Variants in SEPTIN2 observed in about 807,000 individuals in gnomAD.
SEPTIN2 encodes septin 2, also known as septin-2.
SEPTIN2 carries 34 observed loss-of-function variants against 46.5 expected under a neutral mutation model. That is an observed-to-expected ratio of 0.73 (90% confidence interval 0.56 to 0.97). The LOEUF (loss-of-function observed/expected upper bound fraction) is 0.97. Ranked by LOEUF, SEPTIN2 falls within the 50% of genes least tolerant of loss-of-function variation. The probability of loss-of-function intolerance (pLI) is 0.00; values close to 1 mark genes in which losing one functional copy is unlikely to be tolerated. For missense variants in SEPTIN2, 347 were observed against 448.4 expected (o/e 0.77, Z 2.04); for synonymous variants, 175 against 153.4 (o/e 1.14, Z -1.04).
chr2:241,323,172 T>A lies in SEPTIN2; in HGVS notation c.-17-1044T>A, dbSNP rs62186437. On this transcript the variant is annotated intron_variant, in intron 1 of 12. Transcript: ENST00000391971. ...TCAGCCACTGCACCCAGCCACCATC[T>A]AATTTTTTTTTTTTTTTTAATGGAG... Among the ~76,000 whole-genome samples the A allele has an allele frequency of 4.4e-4, 66 of 148,496 alleles. No individual in the cohort carries two copies. In the East Asian group the frequency reaches 0.012, roughly 27 times the overall value.
At chr2:241,327,686 AT>A (rs2078231469) in intron 3 of SEPTIN2, among the ~76,000 whole-genome samples, 1 of 151,918 alleles carries the variant, frequency 6.6e-6, no homozygotes, top group Admixed American at 6.6e-5. Flanking sequence ...AGCAGAAGAA[AT>A]AATAGAGAAA....
At chr2:241,337,241 A>G (rs2080178345) in intron 5 of SEPTIN2, 141 bp from the exon 6 acceptor site, 2 of 804,352 alleles carry the variant, frequency 2.5e-6, no homozygotes, top group African/African-American at 1.8e-5. Context: ...TGCCAAATCT[A>G]AAAGTCAGTC....
At chr2:241,350,690 C>T (rs1267929583) in intron 12 of SEPTIN2, among the ~76,000 whole-genome samples, 4 of 152,120 alleles carry the variant, frequency 2.6e-5, no homozygotes, top group African/African-American at 9.7e-5. Flanking sequence ...CTGCTGACCT[C>T]CTGTTCCTCA....
At chr2:241,345,066 T>A (rs1370448039) in intron 9 of SEPTIN2, among the ~76,000 whole-genome samples, 1 of 151,974 alleles carries the variant, frequency 6.6e-6, no homozygotes, top group Non-Finnish European at 1.5e-5. Context: ...TGAGCCGGGA[T>A]TGCGCCACTG....
intron 9 of SEPTIN2, 118 bp from the exon 10 acceptor site, chr2:241,346,048 A>G (rs1223217454): frequency 1.5e-6 from 1 of 672,158 alleles, no homozygotes; most frequent in East Asian, 2.8e-5. Flanking sequence ...CTTTATGTAC[A>G]ATTTACCAAG....
chr2:241,336,156 T>A (rs1559633139), intron 5 of SEPTIN2, 58 bp downstream of exon 5: 4 of 1,539,636 alleles, frequency 2.6e-6, no homozygotes, highest in Non-Finnish European at 3.5e-6. Context: ...TTCATAAATT[T>A]ATAGATAGTG....
At chr2:241,342,034 G>A (rs1256234567) in intron 7 of SEPTIN2, among the ~76,000 whole-genome samples, 1 of 152,144 alleles carries the variant, frequency 6.6e-6, no homozygotes, top group African/African-American at 2.4e-5. Context: ...CCGATTGTGG[G>A]ATTTCACTGC....
chr2:241,353,476 G>A lies in SEPTIN2; in HGVS notation c.*1539G>A, dbSNP rs1463451924. The A allele has an allele frequency of 2.0e-5, 3 of 152,078 alleles. No homozygotes were observed. The highest frequency in any genetic ancestry group is 4.8e-5 in the African/African-American group (2 of 41,414). The allele number at this position is 152,078 out of a possible 1,614,324, so 9.4% of individuals were successfully genotyped here. A position where few individuals can be genotyped will look rare whatever the true frequency, so the allele number is the denominator to read the frequency against. On this transcript the variant is annotated 3_prime_UTR_variant, in exon 13 of 13. Coordinates refer to ENST00000391971, the MANE Select transcript of SEPTIN2 (RefSeq NM_004404.5). ...TGAGACAGGGTTTTTTCATTTTTGT[G>A]GGGGCTAGAAAAAACATAAAATGAG...
chr2:241,324,713 T>C (rs550926837), intron 2 of SEPTIN2: 4 of 191,510 alleles, frequency 2.1e-5, no homozygotes, highest in East Asian at 1.7e-4. Context: ...CTTGGAGCTT[T>C]CTCTTTTTTC....
chr2:241,337,876 C>T, intron 7 of SEPTIN2, 86 bp downstream of exon 7: 1 of 913,508 alleles, frequency 1.1e-6, no homozygotes, highest in Non-Finnish European at 1.7e-6. Flanking sequence ...CACGCTCAGT[C>T]TGCTCAGGTG....
At chr2:241,324,597 G>T in intron 2 of SEPTIN2, 1 of 355,112 alleles carries the variant, frequency 2.8e-6, no homozygotes, top group South Asian at 2.2e-5. Flanking sequence ...GTGTTGGCCA[G>T]GATGGCCTTG....
At chr2:241,348,661 A>G (rs2060498049) in intron 11 of SEPTIN2, among the ~76,000 whole-genome samples, 1 of 152,156 alleles carries the variant, frequency 6.6e-6, no homozygotes. Flanking sequence ...ATTACTATAT[A>G]TACACATCTA....
intron 1 of SEPTIN2, chr2:241,316,729 G>T: frequency 2.2e-6 from 1 of 462,200 alleles, no homozygotes. Context: ...ATTCTTGTCA[G>T]TGCCACCAGA....
At chr2:241,351,887 G>C (rs1344058724) in intron 12 of SEPTIN2, 80 bp from the exon 13 acceptor site, 1 of 152,396 alleles carries the variant, frequency 6.6e-6, no homozygotes, top group Admixed American at 6.5e-5. Flanking sequence ...TTGTTAAGGA[G>C]AAAAGTAGAA....
chr2:241,348,104 G>A (rs779875268), intron 10 of SEPTIN2, 30 bp from the exon 11 acceptor site: 5 of 1,581,970 alleles, frequency 3.2e-6, no homozygotes, highest in Non-Finnish European at 4.3e-6. Context: ...TTGTTGCAGT[G>A]TTATGATTCT....
At chr2:241,334,689 G>A (rs1254168025) in intron 3 of SEPTIN2, among the ~76,000 whole-genome samples, 1 of 152,214 alleles carries the variant, frequency 6.6e-6, no homozygotes, top group Non-Finnish European at 1.5e-5. Context: ...AGCTCGGGAA[G>A]CACAAGGGTT....
At chr2:241,319,191 A>G (rs1398391937) in intron 1 of SEPTIN2, among the ~76,000 whole-genome samples, 1 of 152,220 alleles carries the variant, frequency 6.6e-6, no homozygotes, top group Non-Finnish European at 1.5e-5. Flanking sequence ...TACTGATTGG[A>G]TATTTGATTG....
At chr2:241,316,399 A>AGAGCTTGTGTGGCCATCTTGTCTTTCTG in intron 1 of SEPTIN2, 3 of 939,660 alleles carry the variant, frequency 3.2e-6, no homozygotes, top group Admixed American at 3.5e-5. Flanking sequence ...TTGTCTTTCT[A>AGAGCTTGTGTGGCCATCTTGTCTTTCTG]ACGGTGCCAT....
intron 3 of SEPTIN2, among the ~76,000 whole-genome samples, chr2:241,328,293 G>A (rs530676286): frequency 2.7e-4 from 41 of 152,078 alleles, no homozygotes; most frequent in African/African-American, 8.9e-4. Flanking sequence ...AAACCTGGGC[G>A]TGGTGGTGCA....
Sources: gnomAD v4.1 joint callset for allele counts (sites outside exome capture counted in the v4.1 genomes callset) on GRCh38, gnomAD v4.1.1 for gene constraint, MANE v1.5 for transcripts, NCBI Gene and HGNC (gene_info 2026-07-23, HGNC 2026-07-21) for gene names.